The following PDE8B variants were observed in gnomAD, a reference collection of about 807,000 sequenced individuals.
PDE8B encodes the protein high affinity cAMP-specific and IBMX-insensitive 3',5'-cyclic phosphodiesterase 8B.
In PDE8B, 26 loss-of-function variants were observed where a neutral mutation model predicts 101.3. The observed-to-expected ratio is 0.26, with a 90% confidence interval of 0.19 to 0.36. PDE8B has a LOEUF of 0.36. Ranked by LOEUF, PDE8B falls within the 10% of genes least tolerant of loss-of-function variation. The probability of loss-of-function intolerance (pLI) is 1.00; values close to 1 mark genes in which losing one functional copy is unlikely to be tolerated. For synonymous variants in PDE8B, 424 were observed against 429.3 expected, an observed-to-expected ratio of 0.99 and a Z score of 0.15; for missense variants, 810 against 1,163.1, an observed-to-expected ratio of 0.70 and a Z score of 4.42.
chr5:77,328,806 A>T (rs913836711), intron 3 of PDE8B, among the ~76,000 whole-genome samples, 192 bp from the exon 4 acceptor site: 26 of 152,150 alleles, frequency 1.7e-4, no homozygotes, highest in African/African-American at 6.0e-4. Context: ...GAGAAAAAAA[A>T]TTTTTTAACG....
intron 18 of PDE8B, 72 bp downstream of exon 18, chr5:77,418,518 C>A: frequency 9.5e-7 from 1 of 1,047,248 alleles, no homozygotes; most frequent in East Asian, 2.6e-5. Context: ...TTAGCTTCCT[C>A]TTAGGGGAAA....
rs1322393832 is a variant in PDE8B at position 77,210,925 on chromosome 5, G to A, written c.-1G>A. ...GGCGCGCGGGGGAGCCCGGCCGAGG[G>A]ATGGGCTGCGCCCCCAGCATCCATG... On this transcript the variant is annotated 5_prime_UTR_variant, in exon 1 of 22. Transcript: ENST00000264917. This position sits in a 1 kb window ranked among gnomAD's most constrained non-coding sequence, Gnocchi z 4.9. 2.8e-6 allele frequency: 4 copies of A among 1,447,516 alleles called. No homozygotes were observed. The highest frequency in any genetic ancestry group is 2.9e-5 in the East Asian group (1 of 34,200). 89.7% of individuals were successfully genotyped at this position (1,447,516 alleles called of 1,614,324 possible).
At chr5:77,327,855 C>G (rs1776333446) in intron 3 of PDE8B, among the ~76,000 whole-genome samples, 1 of 152,152 alleles carries the variant, frequency 6.6e-6, no homozygotes, top group African/African-American at 2.4e-5. Flanking sequence ...GGCAGCCGAT[C>G]ATTTCCGGGA....
chr5:77,311,696 CTTA>C (rs1772665135), intron 1 of PDE8B, among the ~76,000 whole-genome samples: 1 of 152,126 alleles, frequency 6.6e-6, no homozygotes, highest in African/African-American at 2.4e-5. Context: ...ATAGTACATG[CTTA>C]TTATAAAAAT....
At chr5:77,394,065 C>G (rs565926062) in intron 10 of PDE8B, among the ~76,000 whole-genome samples, 8 of 152,184 alleles carry the variant, frequency 5.3e-5, no homozygotes, top group Non-Finnish European at 1.0e-4. Context: ...TGAATTTATG[C>G]AAACAACTAC....
intron 10 of PDE8B, among the ~76,000 whole-genome samples, chr5:77,389,830 G>A (rs892441717): frequency 3.3e-5 from 5 of 152,090 alleles, no homozygotes; most frequent in Non-Finnish European, 5.9e-5. Flanking sequence ...CTATCGCAGT[G>A]TGGAGAATCT....
intron 1 of PDE8B, among the ~76,000 whole-genome samples, chr5:77,260,908 C>A (rs1479911568): frequency 6.6e-6 from 1 of 151,990 alleles, no homozygotes; most frequent in Non-Finnish European, 1.5e-5. Flanking sequence ...AATTGTTGGG[C>A]CATTTTCCCC....
In PDE8B at chr5:77,211,109, C is replaced by G; in HGVS notation, c.184C>G (p.Pro62Ala). 2 of 1,503,340 alleles carry G rather than the reference C, an allele frequency of 1.3e-6. No homozygotes were observed. The highest frequency in any genetic ancestry group is 1.8e-6 in the Non-Finnish European group (2 of 1,133,506). The allele number at this position is 1,503,340 out of a possible 1,614,324, so 93.1% of individuals were successfully genotyped here. A position where few individuals can be genotyped will look rare whatever the true frequency, so the allele number is the denominator to read the frequency against. The change falls in exon 1 of 22, where the codon CCC (proline) becomes GCC (alanine). Residue 62 changes from proline (P) to alanine (A), a missense_variant. By Grantham distance (27) the Pro-to-Ala change is conservative. This residue lies in a region of PDE8B where 159 missense variants were observed against 146.6 expected (regional missense o/e 1.08). Transcript: ENST00000264917. The surrounding 1 kb of genome is among the most constrained non-coding windows in gnomAD (Gnocchi z 4.1). ...AIPPSRASGP[P>A]SVARVRRART... ...CCCCCCGAGCCGCGCGTCGGGACCC[C>G]CCAGCGTAGCCCGCGTCCGCAGGGC...
chr5:77,387,354 G>A (rs1788934322), intron 10 of PDE8B, among the ~76,000 whole-genome samples: 1 of 152,120 alleles, frequency 6.6e-6, no homozygotes, highest in African/African-American at 2.4e-5. Context: ...GAAATTCTGG[G>A]TTGAAAATTC....
upstream of PDE8B, among the ~76,000 whole-genome samples, chr5:77,207,959 A>G (rs78394615): frequency 8.8e-4 from 134 of 152,318 alleles, no homozygotes; most frequent in African/African-American, 3.1e-3. Flanking sequence ...TCTATCTTCT[A>G]TTCCAACAAA....
intron 1 of PDE8B, among the ~76,000 whole-genome samples, chr5:77,243,660 G>A (rs1756243326): frequency 6.6e-6 from 1 of 152,122 alleles, no homozygotes; most frequent in African/African-American, 2.4e-5. Flanking sequence ...CATTCATGTT[G>A]TAGCATGTGT....
intron 3 of PDE8B, among the ~76,000 whole-genome samples, chr5:77,326,284 G>T (rs1776047313): frequency 6.6e-6 from 1 of 152,152 alleles, no homozygotes. Context: ...ACACAGGCCT[G>T]TTCATAAATA....
At chr5:77,163,539 C>T in the PDE8B span, among the ~76,000 whole-genome samples, 1 of 152,136 alleles carries the variant, frequency 6.6e-6, no homozygotes, top group Non-Finnish European at 1.5e-5. Flanking sequence ...GTCAAATAAC[C>T]ACTATGAACA....
At chr5:77,194,581 C>T in the PDE8B span, among the ~76,000 whole-genome samples, 15 of 152,238 alleles carry the variant, frequency 9.9e-5, no homozygotes, top group South Asian at 4.1e-4. Context: ...CATGACCATT[C>T]GGCAGTCACT....
the PDE8B span, among the ~76,000 whole-genome samples, chr5:77,201,591 C>A: frequency 6.6e-6 from 1 of 152,136 alleles, no homozygotes; most frequent in Non-Finnish European, 1.5e-5. Context: ...GCTTATTTCT[C>A]CTGGAAGTGC....
chr5:77,392,793 C>G (rs182987541), intron 10 of PDE8B, among the ~76,000 whole-genome samples: 1 of 152,300 alleles, frequency 6.6e-6, no homozygotes, highest in Non-Finnish European at 1.5e-5. Flanking sequence ...TGGAAAACAG[C>G]TCAGGCCCAG....
chr5:77,120,558 T>C, the PDE8B span, among the ~76,000 whole-genome samples: 1 of 152,208 alleles, frequency 6.6e-6, no homozygotes, highest in African/African-American at 2.4e-5. Flanking sequence ...GATAGAATAA[T>C]AGATAAATGG....
the PDE8B span, among the ~76,000 whole-genome samples, chr5:77,179,774 T>C: frequency 6.6e-6 from 1 of 152,178 alleles, no homozygotes; most frequent in Non-Finnish European, 1.5e-5. Flanking sequence ...TTGCTGAGGC[T>C]GGTCTCGAAT....
intron 11 of PDE8B, among the ~76,000 whole-genome samples, chr5:77,402,661 G>A (rs1792540651): frequency 6.6e-6 from 1 of 152,188 alleles, no homozygotes; most frequent in Admixed American, 6.5e-5. Context: ...TATACTACAT[G>A]CTCACTATGT....
Sources: gnomAD v4.1 joint callset for allele counts (sites outside exome capture counted in the v4.1 genomes callset) on GRCh38, gnomAD v4.1.1 for gene constraint, gnomAD v4.1.1 regional missense constraint, Gnocchi (gnomAD v3.1) non-coding constraint, MANE v1.5 for transcripts, NCBI Gene and HGNC (gene_info 2026-07-23, HGNC 2026-07-21) for gene names.